Variants in KIF13A observed in about 807,000 individuals in gnomAD.
The protein encoded by KIF13A is kinesin-like protein KIF13A.
KIF13A carries 79 observed loss-of-function variants against 212.2 expected under a neutral mutation model. The ratio of observed to expected loss-of-function variants is 0.37; its 90% CI spans 0.31 to 0.45. The LOEUF (loss-of-function observed/expected upper bound fraction) is 0.45, where lower values mean the gene tolerates loss of function less well. Ranked by LOEUF, KIF13A falls within the 20% of genes least tolerant of loss-of-function variation. The pLI is 1.00. For synonymous variants in KIF13A, 789 were observed against 808.6 expected (o/e 0.98, Z 0.41); for missense variants, 1,901 against 2,209.0 (o/e 0.86, Z 2.79).
chr6:17,950,323 G>A (rs1205557722), intron 2 of KIF13A: 1 of 782,442 alleles, frequency 1.3e-6, no homozygotes, highest in African/African-American at 1.9e-5. Flanking sequence ...CAAACCAGAA[G>A]GGATTTAAAC....
At chr6:17,943,256 GAAAAACA>G (rs1777101270) in intron 2 of KIF13A, among the ~76,000 whole-genome samples, 1 of 152,048 alleles carries the variant, frequency 6.6e-6, no homozygotes, top group African/African-American at 2.4e-5. Flanking sequence ...ACTGGTCACT[GAAAAACA>G]ATCTGAGTAT....
At chr6:17,874,675 G>C (rs1770340186) in intron 3 of KIF13A, among the ~76,000 whole-genome samples, 1 of 151,872 alleles carries the variant, frequency 6.6e-6, no homozygotes, top group Non-Finnish European at 1.5e-5. Context: ...ACATGAGTTA[G>C]TTCTTTAGTG....
Position 17,828,318 on chromosome 6 carries a change from A to G in KIF13A, c.1454T>C (p.Ile485Thr). 1 of 1,611,414 alleles carries G rather than the reference A, an allele frequency of 6.2e-7. No individual in the cohort carries two copies. Among genetic ancestry groups the G allele is most frequent in the Non-Finnish European group, 8.5e-7 (1 of 1,178,702 alleles). The change falls in exon 14 of 39, where the codon ATA becomes ACA. Residue 485 changes from isoleucine to threonine, a missense_variant. Ile to Thr is a moderately conservative substitution (Grantham distance 89). Coordinates refer to ENST00000259711, the MANE Select transcript of KIF13A (RefSeq NM_022113.6). This position sits in a 1 kb window ranked among gnomAD's most constrained non-coding sequence, Gnocchi z 4.3. ...DTSQDIQLFG[I>T]GIQPQHCEID... The stretch of plus-strand genomic sequence containing the variant: ...CTCACAGTGCTGAGGCTGAATTCCT[A>G]TGCCAAAAAGCTGGATATCTTGAGA...
chr6:17,821,552 G>GGTGTGT (rs111387037), intron 16 of KIF13A, among the ~76,000 whole-genome samples: 1,183 of 112,076 alleles, frequency 0.011, 65 homozygotes, highest in African/African-American at 0.013. Flanking sequence ...ATTGGGACAT[G>GGTGTGT]GTGTGTGTGT....
At chr6:17,882,341 T>C (rs1019857402) in intron 3 of KIF13A, among the ~76,000 whole-genome samples, 1 of 152,230 alleles carries the variant, frequency 6.6e-6, no homozygotes, top group East Asian at 1.9e-4. Context: ...AAAACAAGTA[T>C]TCTTTTTCTA....
At chr6:17,759,619 TA>T (rs1472627488), downstream of KIF13A, 1 of 152,176 alleles carries the variant, frequency 6.6e-6, no homozygotes, top group Non-Finnish European at 1.5e-5. Flanking sequence ...TCCATACACA[TA>T]ATCCTTCAAT....
At chr6:17,808,673 C>A in intron 18 of KIF13A, 95 bp downstream of exon 18, 2 of 1,122,158 alleles carry the variant, frequency 1.8e-6, no homozygotes, top group South Asian at 1.8e-5. Context: ...ATATCAGGAT[C>A]TCCTCAGGCA....
rs1294692790 is a variant in KIF13A, at chr6:17,871,219, A to G, written c.220+2158T>C. ...TATGTATCCCTTGTGGAATGGCTGA[A>G]TCAGGCGATTTAATGTATGTGTTGT... On this transcript the variant is annotated intron_variant, in intron 4 of 38. Transcript: ENST00000259711. This position sits in a 1 kb window ranked among gnomAD's most constrained non-coding sequence, Gnocchi z 4.4. 1.3e-5 allele frequency among the ~76,000 whole-genome samples: 2 copies of G among 152,200 alleles called. No individual in the cohort carries two copies. Among genetic ancestry groups the G allele is most frequent in the African/African-American group, 4.8e-5 (2 of 41,448 alleles).
At chr6:17,835,767 A>G (rs1765898809) in intron 11 of KIF13A, among the ~76,000 whole-genome samples, 1 of 152,330 alleles carries the variant, frequency 6.6e-6, no homozygotes, top group Non-Finnish European at 1.5e-5. Context: ...TTGTTTTTTC[A>G]GTCTTCTATT....
chr6:17,956,828 C>T (rs1272047306), intron 2 of KIF13A, among the ~76,000 whole-genome samples: 1 of 152,154 alleles, frequency 6.6e-6, no homozygotes, highest in Non-Finnish European at 1.5e-5. Flanking sequence ...CACAGACAGG[C>T]CTTGCTGAGT....
At chr6:17,925,155 T>C (rs150657592) in intron 2 of KIF13A, among the ~76,000 whole-genome samples, 26 of 152,308 alleles carry the variant, frequency 1.7e-4, no homozygotes, top group African/African-American at 5.8e-4. Context: ...GACAGACAAG[T>C]GCAGAAACAC....
chr6:17,975,848 G>A (rs1438867441), intron 2 of KIF13A, among the ~76,000 whole-genome samples: 1 of 151,894 alleles, frequency 6.6e-6, no homozygotes. Flanking sequence ...CTAGACATAG[G>A]GTGCTAATTG....
chr6:17,777,434 A>G lies in KIF13A; in HGVS notation c.4093-80T>C, dbSNP rs1760099003. 8.4e-7 allele frequency: 1 copy of G among 1,192,676 alleles called. No individual in the cohort carries two copies. Among genetic ancestry groups the G allele is most frequent in the Non-Finnish European group, 1.2e-6 (1 of 823,602 alleles). 73.9% of individuals were successfully genotyped at this position (1,192,676 alleles called of 1,614,324 possible). Reference sequence around the variant, plus strand: ...AGTCTCACTCTGTTGCCCAGGCTGGAGTGTAGTGATGCGATCTCTGCTCAC... The same window carrying G: ...AGTCTCACTCTGTTGCCCAGGCTGGGGTGTAGTGATGCGATCTCTGCTCAC... On this transcript the variant is annotated intron_variant, in intron 33 of 38. Coordinates refer to ENST00000259711, the MANE Select transcript of KIF13A (RefSeq NM_022113.6). This position sits in a 1 kb window ranked among gnomAD's most constrained non-coding sequence, Gnocchi z 4.4.
chr6:17,976,408 C>A (rs1780488043), intron 2 of KIF13A, among the ~76,000 whole-genome samples: 1 of 152,358 alleles, frequency 6.6e-6, no homozygotes, highest in South Asian at 2.1e-4. Context: ...ACCCAGTACA[C>A]CCTCCGCAGC....
intron 16 of KIF13A, chr6:17,821,828 T>C (rs1581419628): frequency 1.3e-6 from 2 of 1,535,050 alleles, no homozygotes; most frequent in Non-Finnish European, 8.7e-7. Context: ...TGAAACCACA[T>C]GAGAGGAAAG....
At chr6:17,896,584 A>G (rs1772587054) in intron 3 of KIF13A, among the ~76,000 whole-genome samples, 1 of 152,110 alleles carries the variant, frequency 6.6e-6, no homozygotes, top group Admixed American at 6.5e-5. Context: ...GCATATACAC[A>G]TTGTTTAACA....
chr6:17,833,624 G>A (rs998710196), intron 12 of KIF13A, among the ~76,000 whole-genome samples: 15 of 151,958 alleles, frequency 9.9e-5, no homozygotes, highest in Admixed American at 3.3e-4. Context: ...GGGAGGCTGC[G>A]GCTGGCAGAT....
In KIF13A at chr6:17,897,386, T is replaced by C. The variant is rs994470003; in HGVS notation, c.159+782A>G. Among the ~76,000 whole-genome samples the C allele has an allele frequency of 5.9e-5, 9 of 152,210 alleles. No individual in the cohort carries two copies. Among genetic ancestry groups the C allele is most frequent in the African/African-American group, 2.2e-4 (9 of 41,448 alleles). ...ACTGGCCAGGGGCTGGTCAAATTTCTCACTCCTTTTGGTGCTAAGTGTCCC... is the reference window on the plus strand; with the variant it reads ...ACTGGCCAGGGGCTGGTCAAATTTCCCACTCCTTTTGGTGCTAAGTGTCCC... On this transcript the variant is annotated intron_variant, in intron 3 of 38. Coordinates refer to ENST00000259711, the MANE Select transcript of KIF13A (RefSeq NM_022113.6). This position sits in a 1 kb window ranked among gnomAD's most constrained non-coding sequence, Gnocchi z 4.8.
chr6:17,853,299 TC>T (rs1767837245), intron 6 of KIF13A, among the ~76,000 whole-genome samples: 1 of 152,174 alleles, frequency 6.6e-6, no homozygotes, highest in African/African-American at 2.4e-5. Flanking sequence ...TGCCAGAGAT[TC>T]TATAATGCTA....
Sources: gnomAD v4.1 joint callset for allele counts (sites outside exome capture counted in the v4.1 genomes callset) on GRCh38, gnomAD v4.1.1 for gene constraint, Gnocchi (gnomAD v3.1) non-coding constraint, MANE v1.5 for transcripts, NCBI Gene and HGNC (gene_info 2026-07-23, HGNC 2026-07-21) for gene names.